The following NLGN1 variants were observed in gnomAD, a reference collection of about 807,000 sequenced individuals.
NLGN1 encodes neuroligin 1.
NLGN1 carries 12 observed loss-of-function variants against 65.5 expected under a neutral mutation model. The observed-to-expected ratio is 0.18, with a 90% confidence interval of 0.12 to 0.30. The LOEUF is 0.30. Ranked by LOEUF, NLGN1 falls within the 10% of genes least tolerant of loss-of-function variation. NLGN1 has a pLI of 1.00. For synonymous variants in NLGN1, 350 were observed against 359.5 expected, an observed-to-expected ratio of 0.97 and a Z score of 0.30; for missense variants, 750 against 1,007.1, an observed-to-expected ratio of 0.74 and a Z score of 3.46.
At chr3:173,656,070 A>G (rs1387146876) in intron 3 of NLGN1, among the ~76,000 whole-genome samples, 1 of 152,106 alleles carries the variant, frequency 6.6e-6, no homozygotes, top group Non-Finnish European at 1.5e-5. Context: ...ACCCTATGTA[A>G]ATGAAGAGGA....
intron 2 of NLGN1, among the ~76,000 whole-genome samples, chr3:173,580,617 C>A (rs910955315): frequency 2.0e-5 from 3 of 151,934 alleles, no homozygotes; most frequent in Non-Finnish European, 4.4e-5. Context: ...GTCAGTAAAT[C>A]ACCAGGGAGA....
chr3:173,738,254 T>A (rs1399569985), intron 3 of NLGN1, among the ~76,000 whole-genome samples: 1 of 152,058 alleles, frequency 6.6e-6, no homozygotes, highest in Non-Finnish European at 1.5e-5. Flanking sequence ...TAAATTTTTA[T>A]GAAGTCCAGT....
chr3:173,687,574 A>C (rs1560171022), intron 3 of NLGN1, among the ~76,000 whole-genome samples: 1 of 152,264 alleles, frequency 6.6e-6, no homozygotes, highest in African/African-American at 2.4e-5. Context: ...CTCTGGACTT[A>C]TAAAACAGTT....
rs9835545 is a variant in NLGN1 at position 173,476,453 on chromosome 3, G to A, written c.-321+41375G>A. On this transcript the variant is annotated intron_variant, in intron 2 of 6. Transcript: ENST00000457714. Reference sequence around the variant, plus strand: ...TTTTAAAACTGCTCCAAAAAATTGTGGCCTTTTTTGGTATATATGAGCCCA... The same window carrying A: ...TTTTAAAACTGCTCCAAAAAATTGTAGCCTTTTTTGGTATATATGAGCCCA... Among the ~76,000 whole-genome samples, 1,336 of 152,180 alleles carry A rather than the reference G, an allele frequency of 8.8e-3. 23 individuals carry two copies. Among genetic ancestry groups the A allele is most frequent in the African/African-American group, 0.031 (1,286 of 41,514 alleles).
intron 3 of NLGN1, among the ~76,000 whole-genome samples, chr3:173,799,011 G>A (rs979370584): frequency 2.0e-5 from 3 of 151,850 alleles, no homozygotes; most frequent in African/African-American, 7.3e-5. Flanking sequence ...TAGAAATTTT[G>A]CTAAAAATGT....
chr3:173,492,337 G>T (rs919994725), intron 2 of NLGN1, among the ~76,000 whole-genome samples: 12 of 151,758 alleles, frequency 7.9e-5, no homozygotes, highest in African/African-American at 2.9e-4. Flanking sequence ...CATTTAATGA[G>T]CCTAAGCATT....
chr3:174,266,183 G>T (rs1465139573), intron 4 of NLGN1, among the ~76,000 whole-genome samples: 2 of 151,828 alleles, frequency 1.3e-5, no homozygotes, highest in Non-Finnish European at 2.9e-5. Flanking sequence ...GTATCTGATA[G>T]TTTTTTCAAT....
chr3:174,032,195 A>T (rs575880846), intron 4 of NLGN1, among the ~76,000 whole-genome samples: 1 of 152,316 alleles, frequency 6.6e-6, no homozygotes, highest in Admixed American at 6.5e-5. Flanking sequence ...TAAACTAAAA[A>T]ATATGAAGAC....
intron 4 of NLGN1, among the ~76,000 whole-genome samples, chr3:174,037,494 A>C (rs887894431): frequency 1.3e-5 from 2 of 152,208 alleles, no homozygotes; most frequent in Non-Finnish European, 2.9e-5. Flanking sequence ...TGTCGATGAA[A>C]GCACTAGCAA....
At chr3:174,260,852 G>C (rs1193554355) in intron 4 of NLGN1, among the ~76,000 whole-genome samples, 1 of 147,294 alleles carries the variant, frequency 6.8e-6, no homozygotes, top group Non-Finnish European at 1.5e-5. Context: ...ATCTTGAATT[G>C]ATTTTTGTAT....
chr3:174,096,268 G>A (rs752263625), intron 4 of NLGN1, among the ~76,000 whole-genome samples: 32 of 150,372 alleles, frequency 2.1e-4, no homozygotes, highest in Non-Finnish European at 3.1e-4. Context: ...ATATATAAAC[G>A]TACTGTTATT....
At chr3:174,176,571 A>AGTTTTGTTTT (rs372596207) in intron 4 of NLGN1, among the ~76,000 whole-genome samples, 8 of 151,914 alleles carry the variant, frequency 5.3e-5, no homozygotes, top group Middle Eastern at 3.4e-3. Flanking sequence ...GCTTCAGTTC[A>AGTTTTGTTTT]GTTTTGTTTT....
At chr3:173,692,217 A>G (rs1168619023) in intron 3 of NLGN1, among the ~76,000 whole-genome samples, 1 of 152,102 alleles carries the variant, frequency 6.6e-6, no homozygotes, top group Non-Finnish European at 1.5e-5. Flanking sequence ...TAAAAAGGAA[A>G]TTGCTCTGTT....
At chr3:173,443,000 C>A (rs771307630) in intron 2 of NLGN1, among the ~76,000 whole-genome samples, 36 of 151,892 alleles carry the variant, frequency 2.4e-4, no homozygotes, top group Non-Finnish European at 4.3e-4. Context: ...CAGTTGGGGT[C>A]TATAATAGAA....
chr3:173,762,458 T>G (rs1778109817), intron 3 of NLGN1, among the ~76,000 whole-genome samples: 1 of 152,062 alleles, frequency 6.6e-6, no homozygotes, highest in South Asian at 2.1e-4. Flanking sequence ...AAAATCTAGA[T>G]GAGATGAAAT....
intron 4 of NLGN1, among the ~76,000 whole-genome samples, chr3:174,222,517 A>C (rs940281437): frequency 1.3e-5 from 2 of 152,186 alleles, no homozygotes; most frequent in Non-Finnish European, 2.9e-5. Context: ...TATTTCTTAC[A>C]AATCAAATCA....
At chr3:173,500,400 G>A (rs915145670) in intron 2 of NLGN1, among the ~76,000 whole-genome samples, 9 of 152,158 alleles carry the variant, frequency 5.9e-5, no homozygotes, top group East Asian at 1.9e-4. Context: ...AAGGGATGAA[G>A]CCCACTTGAT....
chr3:173,934,124 T>G (rs12490705), intron 4 of NLGN1, among the ~76,000 whole-genome samples: 45,396 of 150,814 alleles, frequency 0.3, 7,243 homozygotes, highest in African/African-American at 0.38. Flanking sequence ...TACATGTAAA[T>G]GAACTTTAAA....
intron 3 of NLGN1, chr3:173,685,604 A>G: frequency 2.1e-6 from 2 of 975,588 alleles, no homozygotes; most frequent in African/African-American, 1.8e-5. Context: ...TTCAGTTATC[A>G]GAGATAGGCT....
Sources: gnomAD v4.1 joint callset for allele counts (sites outside exome capture counted in the v4.1 genomes callset) on GRCh38, gnomAD v4.1.1 for gene constraint, MANE v1.5 for transcripts, NCBI Gene and HGNC (gene_info 2026-07-23, HGNC 2026-07-21) for gene names.